Variants in KIF1A observed in about 807,000 individuals in gnomAD.
The protein encoded by KIF1A is kinesin family member 1A.
KIF1A carries 46 observed loss-of-function variants against 227.3 expected under a neutral mutation model. The ratio of observed to expected loss-of-function variants is 0.20; its 90% CI spans 0.16 to 0.26. The LOEUF is 0.26. Ranked by LOEUF, KIF1A falls within the 10% of genes least tolerant of loss-of-function variation. The probability of loss-of-function intolerance (pLI) is 1.00; values close to 1 mark genes in which losing one functional copy is unlikely to be tolerated. For synonymous variants in KIF1A, 1,022 were observed against 1,012.8 expected (o/e 1.01, Z -0.17); for missense variants, 1,683 against 2,485.9 (o/e 0.68, Z 6.87).
At chr2:240,807,589 C>G (rs1035929294) in intron 1 of KIF1A, among the ~76,000 whole-genome samples, 1 of 152,168 alleles carries the variant, frequency 6.6e-6, no homozygotes, top group Non-Finnish European at 1.5e-5. Context: ...TATAGACAAA[C>G]CATTCTTTTT....
chr2:240,725,498 G>A lies in KIF1A; in HGVS notation c.4123-94C>T, dbSNP rs553536613. The A allele has an allele frequency of 4.0e-5, 57 of 1,422,000 alleles. No individual in the cohort carries two copies. Among genetic ancestry groups the A allele is most frequent in the African/African-American group, 1.6e-4 (11 of 70,794 alleles). 88.1% of individuals were successfully genotyped at this position (1,422,000 alleles called of 1,614,324 possible). A position where few individuals can be genotyped will look rare whatever the true frequency, so the allele number is the denominator to read the frequency against. The stretch of plus-strand genomic sequence containing the variant: ...TCCTGGGGGCACAATGCCCAGCACC[G>A]ACAGGCAGCCCCAGGGCCTTCCCAG... On this transcript the variant is annotated intron_variant, in intron 39 of 48. Coordinates refer to ENST00000498729, the MANE Select transcript of KIF1A (RefSeq NM_001244008.2). The surrounding 1 kb of genome is among the most constrained non-coding windows in gnomAD (Gnocchi z 5.8).
chr2:240,747,583 T>A (rs1341676831), intron 28 of KIF1A, among the ~76,000 whole-genome samples: 1 of 152,156 alleles, frequency 6.6e-6, no homozygotes, highest in Non-Finnish European at 1.5e-5. Context: ...AAGTCTATAT[T>A]TTCAAAACCA....
intron 32 of KIF1A, among the ~76,000 whole-genome samples, 165 bp downstream of exon 32, chr2:240,745,262 T>C (rs2048451464): frequency 6.6e-6 from 1 of 152,078 alleles, no homozygotes; most frequent in Non-Finnish European, 1.5e-5. Flanking sequence ...GGTCTCCCAC[T>C]GCCCAGAAAT....
At chr2:240,815,397 C>A (rs572278522) in intron 1 of KIF1A, among the ~76,000 whole-genome samples, 1 of 152,132 alleles carries the variant, frequency 6.6e-6, no homozygotes, top group Admixed American at 6.5e-5. Flanking sequence ...AGGGGCCCTG[C>A]AGGAGCAGTC....
intron 38 of KIF1A, among the ~76,000 whole-genome samples, chr2:240,728,760 C>A (rs1215486555): frequency 2.0e-5 from 3 of 152,206 alleles, no homozygotes; most frequent in Non-Finnish European, 4.4e-5. Flanking sequence ...GGCCTGCAGG[C>A]CAGGGCTGGA....
Position 240,787,327 on chromosome 2 carries a change from G to T in KIF1A, c.364-11C>A, listed in dbSNP as rs373047635. On this transcript the variant is annotated splice_polypyrimidine_tract_variant and intron_variant, in intron 4 of 48. Transcript: ENST00000498729. ...GAGGTCCTCGCAGAGCTGCAGGAAT[G>T]GGGGGACAGTCAGCCAGGGAGGGCT... 3.5e-5 allele frequency: 56 copies of T among 1,611,630 alleles called. No individual in the cohort carries two copies. The highest frequency in any genetic ancestry group is 4.2e-5 in the Non-Finnish European group (50 of 1,178,566).
chr2:240,734,556 A>G (rs959908556), intron 38 of KIF1A, among the ~76,000 whole-genome samples: 3 of 152,200 alleles, frequency 2.0e-5, no homozygotes, highest in Non-Finnish European at 2.9e-5. Context: ...GAATAAAAAG[A>G]AAGAAGACGG....
chr2:240,782,152 C>T (rs1166391233), intron 10 of KIF1A: 4 of 985,258 alleles, frequency 4.1e-6, no homozygotes, highest in Non-Finnish European at 4.8e-6. Flanking sequence ...CTCCGCGGCA[C>T]CTCCGACTCC....
chr2:240,721,409 T>C (rs2045365197), intron 44 of KIF1A, among the ~76,000 whole-genome samples: 1 of 152,206 alleles, frequency 6.6e-6, no homozygotes, highest in Non-Finnish European at 1.5e-5. Context: ...CCACGCATAA[T>C]GCAGCACAGC....
intron 6 of KIF1A, 58 bp downstream of exon 6, chr2:240,786,277 T>A: frequency 7.1e-6 from 11 of 1,549,156 alleles, no homozygotes; most frequent in Non-Finnish European, 9.8e-6. Context: ...AGGGGCTTCC[T>A]CCGGGGAGAG....
intron 28 of KIF1A, 74 bp downstream of exon 28, chr2:240,750,355 A>G: frequency 8.9e-7 from 1 of 1,120,308 alleles, no homozygotes; most frequent in Non-Finnish European, 1.3e-6. Flanking sequence ...TCTTGGGCCC[A>G]CGCCTCTGCC....
At position 240,715,451 on chromosome 2, in the gene KIF1A, G is replaced by T. The variant is rs1452207109; in HGVS notation, c.*1913C>A. The T allele has an allele frequency of 6.6e-6, 1 of 152,232 alleles. No homozygotes were observed. Among genetic ancestry groups the T allele is most frequent in the Non-Finnish European group, 1.5e-5 (1 of 68,030 alleles). The allele number at this position is 152,232 out of a possible 1,614,324, so 9.4% of individuals were successfully genotyped here. On this transcript the variant is annotated 3_prime_UTR_variant, in exon 49 of 49. Transcript: ENST00000498729. ...GCCTCCCAGGCAGGGGATGAGGGTG[G>T]CGGTGGCCACACCGCACCTGAGCCC...
rs67736580 is a variant in KIF1A, at chr2:240,766,722, A to ATCTC, written c.1684+189_1684+192dup. On this transcript the variant is annotated intron_variant, in intron 19 of 48. Transcript: ENST00000498729. This position sits in a 1 kb window ranked among gnomAD's most constrained non-coding sequence, Gnocchi z 5.0. ...CCCAAATATCTCTCTCTCTCTCCAA[A>ATCTC]TCTCTCTCTCTCTCTCTCTCTCTCT... 9.0e-4 allele frequency among the ~76,000 whole-genome samples: 111 copies of ATCTC among 122,692 alleles called. 3 individuals carry two copies. Among genetic ancestry groups the ATCTC allele is most frequent in the African/African-American group, 2.9e-3 (83 of 28,404 alleles). 80.5% of individuals were successfully genotyped at this position (122,692 alleles called of 152,430 possible).
intron 1 of KIF1A, among the ~76,000 whole-genome samples, chr2:240,812,561 C>T (rs1333043194): frequency 6.6e-6 from 1 of 151,236 alleles, no homozygotes; most frequent in Non-Finnish European, 1.5e-5. Flanking sequence ...GCCTTCACCT[C>T]GGGATCCACA....
At chr2:240,809,449 T>C (rs2057690665) in intron 1 of KIF1A, among the ~76,000 whole-genome samples, 1 of 152,158 alleles carries the variant, frequency 6.6e-6, no homozygotes, top group Non-Finnish European at 1.5e-5. Context: ...CACAGCCCTT[T>C]TGACATCTGG....
intron 27 of KIF1A, 42 bp from the exon 28 acceptor site, chr2:240,750,589 C>T (rs765282074): frequency 9.8e-6 from 14 of 1,431,242 alleles, no homozygotes; most frequent in Middle Eastern, 1.8e-4. Flanking sequence ...CACCCCTCCA[C>T]GCATGTTCTG....
chr2:240,728,388 C>A, intron 38 of KIF1A: 1 of 1,301,500 alleles, frequency 7.7e-7, no homozygotes, highest in Non-Finnish European at 1.0e-6. Flanking sequence ...GTGAGCTGTA[C>A]CTAGTGTCAT....
chr2:240,769,253 C>A, intron 16 of KIF1A, 45 bp from the exon 17 acceptor site: 1 of 1,546,800 alleles, frequency 6.5e-7, no homozygotes, highest in East Asian at 2.3e-5. Flanking sequence ...ACAAGGCTTC[C>A]AGCACTGGCC....
At position 240,758,560 on chromosome 2, in the gene KIF1A, CCCTTATCTCCTGGGGACA is replaced by C; in HGVS notation, c.2445-81_2445-64del. On this transcript the variant is annotated intron_variant, in intron 25 of 48. Transcript: ENST00000498729. The surrounding 1 kb of genome is among the most constrained non-coding windows in gnomAD (Gnocchi z 5.2). ...AGCGCTCAGCAGCTGGCACCGCACA[CCCTTATCTCCTGGGGACA>C]GTGGGCTCAGCCTAGCTCTGGCCAC... is the stretch of plus-strand genomic sequence containing the variant. 6.9e-7 allele frequency: 1 copy of C among 1,449,632 alleles called. No homozygotes were observed. Among genetic ancestry groups the C allele is most frequent in the Non-Finnish European group, 9.1e-7 (1 of 1,095,350 alleles). The allele number at this position is 1,449,632 out of a possible 1,614,324, so 89.8% of individuals were successfully genotyped here.
Sources: allele counts gnomAD v4.1 joint callset (sites outside exome capture counted in the v4.1 genomes callset), GRCh38; gene constraint gnomAD v4.1.1; non-coding constraint Gnocchi (gnomAD v3.1); transcripts MANE v1.5; gene names NCBI Gene and HGNC (gene_info 2026-07-23, HGNC 2026-07-21).